The following CHRM3 variants were observed in gnomAD, a reference collection of about 807,000 sequenced individuals.
CHRM3 encodes cholinergic receptor muscarinic 3.
In CHRM3, 11 loss-of-function variants were observed where a neutral mutation model predicts 41.8. That is an observed-to-expected ratio of 0.26 (90% confidence interval 0.17 to 0.44). The LOEUF (loss-of-function observed/expected upper bound fraction) is 0.44. Ranked by LOEUF, CHRM3 falls within the 20% of genes least tolerant of loss-of-function variation. The pLI, the probability that CHRM3 is intolerant of heterozygous loss-of-function variation, is 1.00. For synonymous variants in CHRM3, 297 were observed against 301.4 expected (o/e 0.99, Z 0.15); for missense variants, 571 against 745.4 (o/e 0.77, Z 2.72).
chr1:239,790,140 T>C (rs1669225236), intron 5 of CHRM3, among the ~76,000 whole-genome samples: 1 of 152,180 alleles, frequency 6.6e-6, no homozygotes, highest in Non-Finnish European at 1.5e-5. Context: ...TACGGGCTCA[T>C]AGGCAGAAGG....
In CHRM3 at chr1:239,910,770, G is replaced by A. The variant is rs1343441049; in HGVS notation, c.*1546G>A. 2 of 166,800 alleles carry A rather than the reference G, an allele frequency of 1.2e-5. No homozygotes were observed. The highest frequency in any genetic ancestry group is 2.1e-4 in the South Asian group (1 of 4,814). 10.3% of individuals were successfully genotyped at this position (166,800 alleles called of 1,614,324 possible). A position where few individuals can be genotyped will look rare whatever the true frequency, so the allele number is the denominator to read the frequency against. On this transcript the variant is annotated 3_prime_UTR_variant, in exon 7 of 7. Transcript: ENST00000676153. ...AGGGGAGGGAGGTGGGAGGGCCGCG[G>A]AGATATCTTCCCTTTGTACAGGGCA...
chr1:239,760,409 C>T (rs1002028688), intron 5 of CHRM3, among the ~76,000 whole-genome samples: 1 of 151,980 alleles, frequency 6.6e-6, no homozygotes, highest in African/African-American at 2.4e-5. Flanking sequence ...TATTGTAGCA[C>T]GGCAGTCAAG....
At chr1:239,895,540 A>G (rs186300975) in intron 6 of CHRM3, among the ~76,000 whole-genome samples, 2 of 141,702 alleles carry the variant, frequency 1.4e-5, no homozygotes, top group East Asian at 4.0e-4. Flanking sequence ...CACTGTTCAC[A>G]ATAGCAAAGA....
At chr1:239,512,938 G>T (rs1367963684) in intron 2 of CHRM3, among the ~76,000 whole-genome samples, 1 of 152,072 alleles carries the variant, frequency 6.6e-6, no homozygotes, top group Non-Finnish European at 1.5e-5. Context: ...CTGGTGGTTT[G>T]TCTCCCTTTG....
chr1:239,876,012 A>C (rs962413286), intron 6 of CHRM3, among the ~76,000 whole-genome samples: 1 of 152,170 alleles, frequency 6.6e-6, no homozygotes, highest in Non-Finnish European at 1.5e-5. Flanking sequence ...TGAATTGTGG[A>C]GGTGAGAGCA....
At chr1:239,620,137 T>C (rs1427767881) in intron 3 of CHRM3, among the ~76,000 whole-genome samples, 1 of 152,240 alleles carries the variant, frequency 6.6e-6, no homozygotes, top group Admixed American at 6.5e-5. Flanking sequence ...CATTGACTTT[T>C]AGATCTGGAT....
chr1:239,468,515 T>C (rs1033621337), intron 1 of CHRM3, among the ~76,000 whole-genome samples: 1 of 152,208 alleles, frequency 6.6e-6, no homozygotes, highest in African/African-American at 2.4e-5. Flanking sequence ...CAATCCTATA[T>C]GAATGAAATT....
chr1:239,895,350 A>G (rs1394120186), intron 6 of CHRM3, among the ~76,000 whole-genome samples: 4 of 152,200 alleles, frequency 2.6e-5, no homozygotes, highest in Non-Finnish European at 5.9e-5. Flanking sequence ...CTGCCTCTGC[A>G]GTCTCCAGTC....
chr1:239,526,548 T>C (rs1330422631), intron 2 of CHRM3, among the ~76,000 whole-genome samples: 1 of 152,260 alleles, frequency 6.6e-6, no homozygotes, highest in East Asian at 1.9e-4. Flanking sequence ...TGTCTTCCCT[T>C]AGCTTTAGCC....
At chr1:239,394,160 C>A (rs192243398) in intron 1 of CHRM3, among the ~76,000 whole-genome samples, 2 of 152,280 alleles carry the variant, frequency 1.3e-5, no homozygotes, top group East Asian at 3.9e-4. Context: ...GCGTGAATTT[C>A]TTAGGTTTTA....
intron 5 of CHRM3, among the ~76,000 whole-genome samples, chr1:239,824,466 A>G (rs1216255445): frequency 6.6e-6 from 1 of 152,230 alleles, no homozygotes; most frequent in Non-Finnish European, 1.5e-5. Context: ...TCACAAAGTT[A>G]GGTGAAAATG....
intron 4 of CHRM3, among the ~76,000 whole-genome samples, chr1:239,637,876 T>C (rs952821936): frequency 6.7e-6 from 1 of 150,086 alleles, no homozygotes; most frequent in African/African-American, 2.4e-5. Flanking sequence ...ACTCGTCATT[T>C]AGCATTAGGT....
chr1:239,762,140 T>C (rs1666845936), intron 5 of CHRM3, among the ~76,000 whole-genome samples: 1 of 152,194 alleles, frequency 6.6e-6, no homozygotes, highest in South Asian at 2.1e-4. Context: ...GTAAATCCAG[T>C]TCTTTTAACT....
intron 1 of CHRM3, among the ~76,000 whole-genome samples, chr1:239,426,348 G>A (rs1662381464): frequency 6.6e-6 from 1 of 151,152 alleles, no homozygotes; most frequent in African/African-American, 2.4e-5. Context: ...AATTGGCAAT[G>A]TTGGGAGTAT....
rs74149238 is a variant in CHRM3, at chr1:239,833,630, G to C, written c.-20+6252G>C. The stretch of plus-strand genomic sequence containing the variant: ...CGAGGAATTCCTGCACGCTGGCTGA[G>C]GATAACTTTTTTATTAATACATCCC... On this transcript the variant is annotated intron_variant, in intron 6 of 6. Transcript: ENST00000676153. 8.7e-3 allele frequency among the ~76,000 whole-genome samples: 1,326 copies of C among 152,266 alleles called. 23 individuals carry two copies. Among genetic ancestry groups the C allele is most frequent in the African/African-American group, 0.03 (1,238 of 41,540 alleles).
intron 5 of CHRM3, among the ~76,000 whole-genome samples, chr1:239,734,267 T>C (rs1052300877): frequency 1.3e-5 from 2 of 152,190 alleles, no homozygotes; most frequent in East Asian, 1.9e-4. Context: ...TAGAGTATCT[T>C]GTTGCACCAG....
chr1:239,424,580 T>C (rs141240689), intron 1 of CHRM3, among the ~76,000 whole-genome samples: 6 of 152,346 alleles, frequency 3.9e-5, no homozygotes, highest in African/African-American at 1.4e-4. Flanking sequence ...TTTCATCAAA[T>C]ATAACAGTAA....
intron 5 of CHRM3, among the ~76,000 whole-genome samples, chr1:239,722,824 T>C (rs547458739): frequency 6.6e-6 from 1 of 152,060 alleles, no homozygotes; most frequent in African/African-American, 2.4e-5. Flanking sequence ...GAATCTCATA[T>C]TTCTTATAAC....
chr1:239,913,761 A>T lies in CHRM3; in HGVS notation c.*4537A>T, dbSNP rs1420932143. On this transcript the variant is annotated 3_prime_UTR_variant, in exon 7 of 7. Coordinates refer to ENST00000676153, the MANE Select transcript of CHRM3 (RefSeq NM_001375978.1). ...ACCCCACGTAAGTTTGTAACTGCAC[A>T]GTGTTTTGTTGTACGGCTCAGAAAT... 6.0e-6 allele frequency: 1 copy of T among 167,128 alleles called. No homozygotes were observed. The highest frequency in any genetic ancestry group is 1.5e-5 in the Non-Finnish European group (1 of 68,132). The allele number at this position is 167,128 out of a possible 1,614,324, so 10.4% of individuals were successfully genotyped here. A position where few individuals can be genotyped will look rare whatever the true frequency, so the allele number is the denominator to read the frequency against.
Sources: allele counts gnomAD v4.1 joint callset (sites outside exome capture counted in the v4.1 genomes callset), GRCh38; gene constraint gnomAD v4.1.1; transcripts MANE v1.5; gene names NCBI Gene and HGNC (gene_info 2026-07-23, HGNC 2026-07-21).